SRM: variants seen among roughly 807,000 people sequenced by gnomAD.
SRM encodes putrescine aminopropyltransferase.
A neutral mutation model predicts 39.3 loss-of-function variants in SRM; 14 were observed. The ratio of observed to expected loss-of-function variants is 0.36; its 90% CI spans 0.24 to 0.56. The LOEUF is 0.56. SRM is among the 20% of genes least tolerant of loss of function. The probability of loss-of-function intolerance (pLI) is 0.86; values close to 1 mark genes in which losing one functional copy is unlikely to be tolerated. For synonymous variants in SRM, 195 were observed against 173.1 expected, an observed-to-expected ratio of 1.13 and a Z score of -0.99; for missense variants, 244 against 409.2, an observed-to-expected ratio of 0.60 and a Z score of 3.48.
intron 5 of SRM, 32 bp downstream of exon 5, chr1:11,055,979 C>G (rs560822000): frequency 1.3e-6 from 2 of 1,596,466 alleles, no homozygotes; most frequent in South Asian, 2.3e-5. Context: ...CCCCACCCCG[C>G]CCCGCCCCAG....
rs565375968 is a variant in SRM, at chr1:11,054,653, A to C, written c.*212T>G. The C allele has an allele frequency of 5.4e-4, 352 of 655,600 alleles. 5 individuals are homozygous for C. Among genetic ancestry groups the C allele is most frequent in the South Asian group, 4.1e-3 (204 of 49,956 alleles). 40.6% of individuals were successfully genotyped at this position (655,600 alleles called of 1,614,324 possible). A position where few individuals can be genotyped will look rare whatever the true frequency, so the allele number is the denominator to read the frequency against. On this transcript the variant is annotated 3_prime_UTR_variant, in exon 8 of 8. Transcript: ENST00000376957. This position sits in a 1 kb window ranked among gnomAD's most constrained non-coding sequence, Gnocchi z 4.8. ...AGAAGGCAGAGAGATGGCGCTGTAC[A>C]CAGCTGGTATAGGCTTGGAGGTGGA...
At chr1:11,058,590 C>G in intron 3 of SRM, 1 of 387,970 alleles carries the variant, frequency 2.6e-6, no homozygotes, top group Non-Finnish European at 4.6e-6. Flanking sequence ...AAAATCAGCT[C>G]AGTTTTAGTA....
chr1:11,055,784 G>A lies in SRM; in HGVS notation c.762C>T (p.Asn254=). 1.3e-6 allele frequency: 2 copies of A among 1,573,180 alleles called. No homozygotes were observed. Among genetic ancestry groups the A allele is most frequent in the Non-Finnish European group, 1.7e-6 (2 of 1,160,128 alleles). ...CCCCCAGACACCCCCATCTCACCGG[G>A]TTCTTGCTGCACAGCATGAAGCCGA... is the stretch of plus-strand genomic sequence containing the variant. The part of the protein sequence containing the change: ...GQIGFMLCSK[N]PSTNFQEPVQ... The change falls in exon 6 of 8, where the codon AAC becomes AAT. Residue 254 remains asparagine, a synonymous_variant. Transcript: ENST00000376957.
chr1:11,056,335 G>A (rs1382686509), intron 4 of SRM, among the ~76,000 whole-genome samples: 2 of 152,332 alleles, frequency 1.3e-5, no homozygotes, highest in East Asian at 1.9e-4. Context: ...CAGAGCAGAG[G>A]GGAGGCTGAA....
At chr1:11,055,750 C>CCAACCCCCCCCCCCCCA in intron 6 of SRM, 31 bp downstream of exon 6, 1 of 1,502,846 alleles carries the variant, frequency 6.7e-7, no homozygotes, top group Non-Finnish European at 9.0e-7. Context: ...ACCTTCCCCC[C>CCAACCCCCCCCCCCCCA]AACCCCCACC....
intron 6 of SRM, 32 bp downstream of exon 6, chr1:11,055,749 C>CCAACCCCCCCCCCCCA: frequency 6.6e-7 from 1 of 1,507,930 alleles, no homozygotes; most frequent in Non-Finnish European, 9.0e-7. Context: ...CACCTTCCCC[C>CCAACCCCCCCCCCCCA]CAACCCCCAC....
At position 11,059,848 on chromosome 1, in the gene SRM, G is replaced by C. The variant is rs759169948; in HGVS notation, c.96C>G (p.Ala32=). 2 of 1,562,438 alleles carry C rather than the reference G, an allele frequency of 1.3e-6. No homozygotes were observed. The highest frequency in any genetic ancestry group is 2.5e-5 in the East Asian group (1 of 40,044). The stretch of plus-strand genomic sequence containing the variant: ...GCAGCTGCTCCACCTGCAGTGACAG[G>C]GCCTGGCCGGGCCACAGGCTGCAGG... ...RETCSLWPGQ[A]LSLQVEQLLH... is the part of the protein sequence containing the mutation. Residue 32 remains alanine (A), a synonymous_variant, in exon 1 of 8, where the codon GCC becomes GCG. Coordinates refer to ENST00000376957, the MANE Select transcript of SRM (RefSeq NM_003132.3).
At chr1:11,056,819 C>A in intron 3 of SRM, 62 bp from the exon 4 acceptor site, 1 of 1,577,174 alleles carries the variant, frequency 6.3e-7, no homozygotes, top group Non-Finnish European at 8.7e-7. Flanking sequence ...GCCAGCACAG[C>A]CACGTGGGAC....
At position 11,055,953 on chromosome 1, in the gene SRM, G is replaced by A. The variant is rs764801378; in HGVS notation, c.620-27C>T. 9.4e-6 allele frequency: 15 copies of A among 1,588,294 alleles called. No individual in the cohort carries two copies. The Admixed American group carries it at 1.5e-4, about 16-fold the overall frequency. Reference sequence around the variant, plus strand: ...TGGGGGCCCCTAAGCATCAGCATCCGGCAGGGCCTGCCCTGCCCCACCCCG... The same window carrying A: ...TGGGGGCCCCTAAGCATCAGCATCCAGCAGGGCCTGCCCTGCCCCACCCCG... On this transcript the variant is annotated intron_variant, in intron 5 of 7. Transcript: ENST00000376957.
At chr1:11,056,492 G>T in intron 4 of SRM, 112 bp downstream of exon 4, 2 of 1,323,762 alleles carry the variant, frequency 1.5e-6, no homozygotes, top group Non-Finnish European at 2.1e-6. Flanking sequence ...GAAAAGTACA[G>T]CTCTAGTTCG....
chr1:11,059,036 C>T, intron 2 of SRM, 144 bp from the exon 3 acceptor site: 1 of 1,341,070 alleles, frequency 7.5e-7, no homozygotes, highest in South Asian at 1.4e-5. Flanking sequence ...GTCCCCTTTC[C>T]TGGAAGTTCC....
intron 4 of SRM, 113 bp downstream of exon 4, chr1:11,056,491 A>G (rs937072743): frequency 3.8e-6 from 5 of 1,306,636 alleles, no homozygotes; most frequent in Non-Finnish European, 5.3e-6. Flanking sequence ...GGAAAAGTAC[A>G]GCTCTAGTTC....
In SRM at chr1:11,057,459, ATT is replaced by A. The variant is rs1182428886; in HGVS notation, c.382-704_382-703del. On this transcript the variant is annotated intron_variant, in intron 3 of 7. Coordinates refer to ENST00000376957, the MANE Select transcript of SRM (RefSeq NM_003132.3). ...CAGGCGCACGCCACCAAGCTGGGCCATTTTTTTTTTTTTTTTTTTATTTTTAG... is the reference window on the plus strand; with the variant it reads ...CAGGCGCACGCCACCAAGCTGGGCCATTTTTTTTTTTTTTTTTATTTTTAG... Among the ~76,000 whole-genome samples the A allele has an allele frequency of 9.5e-3, 1,122 of 118,716 alleles. 17 individuals are homozygous for A. The highest frequency in any genetic ancestry group is 0.031 in the African/African-American group (1,033 of 33,522). The allele number at this position is 118,716 out of a possible 152,430, so 77.9% of individuals were successfully genotyped here. A position where few individuals can be genotyped will look rare whatever the true frequency, so the allele number is the denominator to read the frequency against.
At chr1:11,056,846 A>G in intron 3 of SRM, 89 bp from the exon 4 acceptor site, 1 of 1,431,270 alleles carries the variant, frequency 7.0e-7, no homozygotes, top group Non-Finnish European at 9.6e-7. Context: ...AGTGCCTCAC[A>G]GGCAAGCCGC....
In SRM at chr1:11,054,638, G is replaced by A. The variant is rs901160851; in HGVS notation, c.*227C>T. ...TGAGTGAGGGGCAACAGAAGGCAGA[G>A]AGATGGCGCTGTACACAGCTGGTAT... On this transcript the variant is annotated 3_prime_UTR_variant, in exon 8 of 8. Coordinates refer to ENST00000376957, the MANE Select transcript of SRM (RefSeq NM_003132.3). The surrounding 1 kb of genome is among the most constrained non-coding windows in gnomAD (Gnocchi z 4.8). 2 of 587,180 alleles carry A rather than the reference G, an allele frequency of 3.4e-6. No homozygotes were observed. Among genetic ancestry groups the A allele is most frequent in the African/African-American group, 1.9e-5 (1 of 53,118 alleles). 36.4% of individuals were successfully genotyped at this position (587,180 alleles called of 1,614,324 possible). A position where few individuals can be genotyped will look rare whatever the true frequency, so the allele number is the denominator to read the frequency against.
In SRM at chr1:11,054,759, G is replaced by T. The variant is rs1442005344; in HGVS notation, c.*106C>A. 3.4e-6 allele frequency: 5 copies of T among 1,456,388 alleles called. No individual in the cohort carries two copies. Among genetic ancestry groups the T allele is most frequent in the Non-Finnish European group, 4.6e-6 (5 of 1,093,024 alleles). 90.2% of individuals were successfully genotyped at this position (1,456,388 alleles called of 1,614,324 possible). ...TTCTGGGGCTTGTAACACTTGGTTGGTGGGCGAGAGCCAGCAGGAGGTCCG... is the reference window on the plus strand; with the variant it reads ...TTCTGGGGCTTGTAACACTTGGTTGTTGGGCGAGAGCCAGCAGGAGGTCCG... On this transcript the variant is annotated 3_prime_UTR_variant, in exon 8 of 8. Coordinates refer to ENST00000376957, the MANE Select transcript of SRM (RefSeq NM_003132.3). The surrounding 1 kb of genome is among the most constrained non-coding windows in gnomAD (Gnocchi z 4.8).
In SRM at chr1:11,056,080, G is replaced by A; in HGVS notation, c.550C>T (p.Leu184Phe). Residue 184 changes from leucine (L) to phenylalanine (F), a missense_variant, in exon 5 of 8, where the codon CTC (leucine) becomes TTC (phenylalanine). Coordinates refer to ENST00000376957, the MANE Select transcript of SRM (RefSeq NM_003132.3). The stretch of plus-strand genomic sequence containing the variant: ...AGCTGGTAATAGGACTCCTTGAAGA[G>A]ACTTTCGGCGGGGCCTGGGGAAGAC... The part of the protein sequence containing the change: ...SSDPMGPAES[L>F]FKESYYQLMK... 4 of 1,612,248 alleles carry A rather than the reference G, an allele frequency of 2.5e-6. No homozygotes were observed. The highest frequency in any genetic ancestry group is 3.4e-6 in the Non-Finnish European group (4 of 1,179,098).
At chr1:11,055,508 G>A (rs1278314688) in intron 6 of SRM, among the ~76,000 whole-genome samples, 6 of 150,196 alleles carry the variant, frequency 4.0e-5, no homozygotes, top group South Asian at 2.1e-4. Context: ...TCCGCCTCCC[G>A]GGTTCACGCC....
At chr1:11,055,744 T>TCCCCCCCACCCCCCCCC in intron 6 of SRM, 37 bp downstream of exon 6, 2 of 1,336,822 alleles carry the variant, frequency 1.5e-6, no homozygotes, top group Non-Finnish European at 2.1e-6. Context: ...ATGCCCACCT[T>TCCCCCCCACCCCCCCCC]CCCCCCAACC....
Sources: gnomAD v4.1 joint callset for allele counts (sites outside exome capture counted in the v4.1 genomes callset) on GRCh38, gnomAD v4.1.1 for gene constraint, Gnocchi (gnomAD v3.1) non-coding constraint, MANE v1.5 for transcripts, NCBI Gene and HGNC (gene_info 2026-07-23, HGNC 2026-07-21) for gene names.